The following A1CF variants were observed in gnomAD, a reference collection of about 807,000 sequenced individuals.
A1CF encodes the protein APOBEC1 complementation factor.
Under a neutral mutation model 68.9 loss-of-function variants are expected in A1CF, and 48 were observed. The ratio of observed to expected loss-of-function variants is 0.70; its 90% CI spans 0.55 to 0.89. The LOEUF (loss-of-function observed/expected upper bound fraction) is 0.89. Ranked by LOEUF, A1CF falls within the 40% of genes least tolerant of loss-of-function variation. A1CF has a pLI of 0.00. For missense variants in A1CF, 653 were observed against 718.9 expected (o/e 0.91, Z 1.05); for synonymous variants, 272 against 260.4 (o/e 1.04, Z -0.43).
Position 50,841,978 on chromosome 10 carries a change from A to T in A1CF, c.249T>A (p.Tyr83Ter), listed in dbSNP as rs1405392939. ...IPLCEKIGKI[Y>*]EMRMMMDFNG... ...TAAAATCCATCATCATTCTCATTTC[A>T]TAAATTTTACCGATCTGCAAGTAAT... Residue 83 changes from tyrosine to a stop codon, truncating the protein, a stop_gained, in exon 5 of 13, where the codon TAT becomes TAA. Coordinates refer to ENST00000373997, the MANE Select transcript of A1CF (RefSeq NM_014576.4). LOFTEE classifies it high-confidence loss of function. 6.2e-7 allele frequency: 1 copy of T among 1,609,080 alleles called. No individual in the cohort carries two copies. The highest frequency in any genetic ancestry group is 8.5e-7 in the Non-Finnish European group (1 of 1,177,398).
chr10:50,806,589 A>G lies in A1CF; in HGVS notation c.*140T>C. On this transcript the variant is annotated 3_prime_UTR_variant, in exon 13 of 13. Transcript: ENST00000373997. The stretch of plus-strand genomic sequence containing the variant: ...CTTACTTCATGATTCTATAATTGGT[A>G]TAAGCTATACAGTCTCTGGAAAGGC... The G allele has an allele frequency of 1.6e-6, 1 of 614,724 alleles. No individual in the cohort carries two copies. The highest frequency in any genetic ancestry group is 2.5e-6 in the Non-Finnish European group (1 of 407,314). The allele number at this position is 614,724 out of a possible 1,614,324, so 38.1% of individuals were successfully genotyped here. A position where few individuals can be genotyped will look rare whatever the true frequency, so the allele number is the denominator to read the frequency against.
At chr10:50,843,513 T>C (rs183498964) in intron 4 of A1CF, among the ~76,000 whole-genome samples, 2 of 152,366 alleles carry the variant, frequency 1.3e-5, no homozygotes, top group East Asian at 3.9e-4. Context: ...TTAATCTTCT[T>C]GATGCATTTA....
rs902839235 is a variant in A1CF at position 50,838,444 on chromosome 10, T to C, written c.366-2132A>G. Among the ~76,000 whole-genome samples, 3 of 152,122 alleles carry C rather than the reference T, an allele frequency of 2.0e-5. No individual in the cohort carries two copies. In the East Asian group the frequency reaches 5.8e-4, roughly 29 times the overall value. ...TCCACAGTATTAATGTATTTAGAAA[T>C]TATATTATTTTTGATAGTTAGGGGG... On this transcript the variant is annotated intron_variant, in intron 5 of 12. Coordinates refer to ENST00000373997, the MANE Select transcript of A1CF (RefSeq NM_014576.4).
At chr10:50,860,553 C>T (rs1361447945) in intron 2 of A1CF, among the ~76,000 whole-genome samples, 1 of 152,128 alleles carries the variant, frequency 6.6e-6, no homozygotes, top group Non-Finnish European at 1.5e-5. Context: ...AAAACAAGAA[C>T]AATGGATGCT....
rs7918184 is a variant in A1CF, at chr10:50,829,311, G to A, written c.605-1016C>T. On this transcript the variant is annotated intron_variant, in intron 6 of 12. Coordinates refer to ENST00000373997, the MANE Select transcript of A1CF (RefSeq NM_014576.4). ...TTGAAGTGATGAGAGGAGAGTGAGAGTCAACCCAAGTTCTAAATTTGATTG... is the reference window on the plus strand; with the variant it reads ...TTGAAGTGATGAGAGGAGAGTGAGAATCAACCCAAGTTCTAAATTTGATTG... Among the ~76,000 whole-genome samples, 384 of 152,202 alleles carry A rather than the reference G, an allele frequency of 2.5e-3. 7 individuals are homozygous for A. Among genetic ancestry groups the A allele is most frequent in the Non-Finnish European group, 1.3e-3 (87 of 68,002 alleles).
intron 6 of A1CF, among the ~76,000 whole-genome samples, chr10:50,835,487 G>A (rs1839443844): frequency 6.6e-6 from 1 of 152,140 alleles, no homozygotes. Context: ...AAGTTGATCT[G>A]ACCGAGGCAG....
At chr10:50,871,050 A>T (rs1309480285) in intron 1 of A1CF, among the ~76,000 whole-genome samples, 1 of 151,768 alleles carries the variant, frequency 6.6e-6, no homozygotes, top group Non-Finnish European at 1.5e-5. Flanking sequence ...GTTTAAAAAA[A>T]ATCTTCATAA....
intron 3 of A1CF, among the ~76,000 whole-genome samples, chr10:50,859,076 A>G (rs776554776): frequency 2.6e-5 from 4 of 152,158 alleles, no homozygotes; most frequent in Admixed American, 1.3e-4. Context: ...TGAATTCAAG[A>G]TTTGGTTAAG....
At chr10:50,816,384 G>A (rs1438734220) in intron 8 of A1CF, 105 bp from the exon 9 acceptor site, 5 of 1,261,176 alleles carry the variant, frequency 4.0e-6, no homozygotes, top group East Asian at 2.4e-5. Flanking sequence ...ACTATTTGCT[G>A]TAGGTTTATT....
Position 50,870,709 on chromosome 10 carries a change from T to G in A1CF, c.-93-6629A>C, listed in dbSNP as rs906715350. On this transcript the variant is annotated intron_variant, in intron 1 of 12. Coordinates refer to ENST00000373997, the MANE Select transcript of A1CF (RefSeq NM_014576.4). ...TTTTATAAATCTCTTTAAAAGCAAA[T>G]TATTCCTTTGCCATGTAAAGCCTTT... 2.0e-5 allele frequency among the ~76,000 whole-genome samples: 3 copies of G among 151,938 alleles called. No homozygotes were observed. The South Asian group carries it at 6.2e-4, about 31-fold the overall frequency.
At chr10:50,816,886 T>C (rs1838399166) in intron 8 of A1CF, among the ~76,000 whole-genome samples, 1 of 152,202 alleles carries the variant, frequency 6.6e-6, no homozygotes, top group Admixed American at 6.5e-5. Context: ...GGGAGGCTGT[T>C]GCATTGCCTG....
intron 1 of A1CF, among the ~76,000 whole-genome samples, chr10:50,870,260 A>G (rs978404487): frequency 3.3e-5 from 5 of 151,944 alleles, no homozygotes; most frequent in Non-Finnish European, 5.9e-5. Flanking sequence ...CACTGAAAAT[A>G]AGCATTCAAC....
In A1CF at chr10:50,828,126, C is replaced by A; in HGVS notation, c.769+5G>T. The A allele has an allele frequency of 1.3e-6, 2 of 1,569,860 alleles. No homozygotes were observed. The highest frequency in any genetic ancestry group is 1.2e-5 in the South Asian group (1 of 85,524). On this transcript the variant is annotated splice_donor_5th_base_variant and intron_variant, in intron 7 of 12. Transcript: ENST00000373997. Reference sequence around the variant, plus strand: ...TGAAAAACTAATCTTGTATATATGTCCTACCTGGTTTGATATTGTTGAATT... The same window carrying A: ...TGAAAAACTAATCTTGTATATATGTACTACCTGGTTTGATATTGTTGAATT...
intron 3 of A1CF, among the ~76,000 whole-genome samples, chr10:50,850,163 G>A (rs1486087764): frequency 6.6e-6 from 1 of 152,036 alleles, no homozygotes; most frequent in Non-Finnish European, 1.5e-5. Context: ...TGTATGATAT[G>A]GTTCTTCTAA....
At chr10:50,870,534 A>G (rs902171995) in intron 1 of A1CF, among the ~76,000 whole-genome samples, 1 of 151,854 alleles carries the variant, frequency 6.6e-6, no homozygotes, top group African/African-American at 2.4e-5. Context: ...AAAAATATAC[A>G]TGTAGTGGAC....
intron 1 of A1CF, among the ~76,000 whole-genome samples, chr10:50,873,895 T>C (rs1369268613): frequency 6.6e-6 from 1 of 152,050 alleles, no homozygotes. Flanking sequence ...TAGGAACCAC[T>C]GTCTTAGAGT....
At chr10:50,809,436 A>G (rs1417478751) in intron 12 of A1CF, among the ~76,000 whole-genome samples, 2 of 152,180 alleles carry the variant, frequency 1.3e-5, no homozygotes, top group Middle Eastern at 3.2e-3. Context: ...CTTTCTGTAT[A>G]TGGGCTCTTC....
At chr10:50,846,975 A>G (rs555486783) in intron 3 of A1CF, among the ~76,000 whole-genome samples, 2 of 152,304 alleles carry the variant, frequency 1.3e-5, no homozygotes, top group South Asian at 2.1e-4. Flanking sequence ...GGCAATGGGC[A>G]TTAGTCATGG....
chr10:50,812,943 C>T (rs907181300), intron 10 of A1CF, among the ~76,000 whole-genome samples: 3 of 152,054 alleles, frequency 2.0e-5, no homozygotes, highest in Non-Finnish European at 4.4e-5. Flanking sequence ...AAAAGAAAGC[C>T]AGAAATCCCA....
Sources: gnomAD v4.1 joint callset for allele counts (sites outside exome capture counted in the v4.1 genomes callset) on GRCh38, gnomAD v4.1.1 for gene constraint, MANE v1.5 for transcripts, NCBI Gene and HGNC (gene_info 2026-07-23, HGNC 2026-07-21) for gene names.